HDAC9: variants seen among roughly 807,000 people sequenced by gnomAD.
The protein encoded by HDAC9 is MEF-2 interacting transcription repressor (MITR) protein.
In HDAC9, 41 loss-of-function variants were observed where a neutral mutation model predicts 139.4. The ratio of observed to expected loss-of-function variants is 0.29; its 90% CI spans 0.23 to 0.38. The LOEUF is 0.38. Ranked by LOEUF, HDAC9 falls within the 10% of genes least tolerant of loss-of-function variation. The pLI is 1.00. For missense variants in HDAC9, 1,147 were observed against 1,297.0 expected (o/e 0.88, Z 1.78); for synonymous variants, 517 against 476.2 (o/e 1.09, Z -1.12).
chr7:18,283,512 A>G (rs1306502502), intron 2 of HDAC9, among the ~76,000 whole-genome samples: 2 of 152,216 alleles, frequency 1.3e-5, no homozygotes, highest in African/African-American at 4.8e-5. Context: ...GTTTATGTAA[A>G]GCAGAAAGTT....
At chr7:18,145,037 C>T (rs1786199872) in intron 1 of HDAC9, among the ~76,000 whole-genome samples, 1 of 152,206 alleles carries the variant, frequency 6.6e-6, no homozygotes, top group Admixed American at 6.5e-5. Flanking sequence ...GTTTCACTTG[C>T]TTTGTGTTTC....
At chr7:18,731,744 GC>G (rs1357310857) in intron 13 of HDAC9, among the ~76,000 whole-genome samples, 4 of 152,198 alleles carry the variant, frequency 2.6e-5, no homozygotes, top group African/African-American at 9.6e-5. Flanking sequence ...TCCTGCCTCA[GC>G]CTCCCTAGTA....
In HDAC9 at chr7:18,954,126, A is replaced by G. The variant is rs1313483950; in HGVS notation, c.2938-20A>G. On this transcript the variant is annotated intron_variant, in intron 23 of 25. Transcript: ENST00000686413. ...AAAGTCATAATATTCTGCTCATACT[A>G]TTATCTACTATTCTTGCAGCTGGAG... is the stretch of plus-strand genomic sequence containing the variant. 2.0e-6 allele frequency: 3 copies of G among 1,504,342 alleles called. No homozygotes were observed. The highest frequency in any genetic ancestry group is 1.4e-5 in the African/African-American group (1 of 72,084). 93.2% of individuals were successfully genotyped at this position (1,504,342 alleles called of 1,614,324 possible). A position where few individuals can be genotyped will look rare whatever the true frequency, so the allele number is the denominator to read the frequency against.
intron 21 of HDAC9, 87 bp downstream of exon 21, chr7:18,836,084 G>A (rs867502177): frequency 4.3e-6 from 3 of 697,440 alleles, no homozygotes; most frequent in South Asian, 4.0e-5. Context: ...AAATGTAAAT[G>A]TCTAATTAAG....
chr7:18,434,273 T>G (rs2128766476), intron 1 of HDAC9, among the ~76,000 whole-genome samples: 1 of 152,282 alleles, frequency 6.6e-6, no homozygotes, highest in East Asian at 1.9e-4. Flanking sequence ...TCAAGATGGA[T>G]TAAAGACTTA....
intron 2 of HDAC9, among the ~76,000 whole-genome samples, chr7:18,172,052 C>T (rs1025011044): frequency 5.3e-5 from 8 of 152,166 alleles, no homozygotes; most frequent in Middle Eastern, 3.4e-3. Context: ...TGGTAGAATT[C>T]GGCTGTGAAT....
At chr7:18,380,841 T>C (rs1463555381) in intron 1 of HDAC9, among the ~76,000 whole-genome samples, 1 of 152,178 alleles carries the variant, frequency 6.6e-6, no homozygotes, top group African/African-American at 2.4e-5. Flanking sequence ...TCCAGCACTC[T>C]GGAGCTTAAG....
intron 2 of HDAC9, among the ~76,000 whole-genome samples, chr7:18,207,539 C>CTTTTTTTGTTTTTTTTTTTTTT (rs1791616319): frequency 1.9e-5 from 1 of 53,730 alleles, no homozygotes; most frequent in African/African-American, 7.8e-5. Context: ...CCCAAGGAGT[C>CTTTTTTTGTTTTTTTTTTTTTT]TTTTTTTTTT....
chr7:18,561,502 A>AT (rs1229688495), intron 2 of HDAC9, among the ~76,000 whole-genome samples: 1 of 152,186 alleles, frequency 6.6e-6, no homozygotes, highest in Non-Finnish European at 1.5e-5. Context: ...ATTTTAGTCT[A>AT]TTCACATGGT....
chr7:18,345,900 T>G (rs1280977777), intron 1 of HDAC9, among the ~76,000 whole-genome samples: 3 of 152,014 alleles, frequency 2.0e-5, no homozygotes, highest in Non-Finnish European at 4.4e-5. Context: ...GACTCCTGTT[T>G]CTGTCTGTTT....
chr7:18,655,285 T>C (rs962093443), intron 11 of HDAC9, among the ~76,000 whole-genome samples: 1 of 152,150 alleles, frequency 6.6e-6, no homozygotes, highest in Non-Finnish European at 1.5e-5. Context: ...TTTTGCCCAT[T>C]ACATGGATAG....
At position 18,835,512 on chromosome 7, in the gene HDAC9, C is replaced by T. The variant is rs952124759; in HGVS notation, c.2512C>T (p.Pro838Ser). The change falls in exon 20 of 26, where the codon CCC (proline) becomes TCC (serine). Residue 838 changes from proline to serine, a missense_variant. Pro to Ser is a moderately conservative substitution (Grantham distance 74, BLOSUM62 -1). Coordinates refer to ENST00000686413, the MANE Select transcript of HDAC9 (RefSeq NM_178425.4). ...NGTQQAFYAD[P>S]SILYISLHRY... ...TACCCAGCAGGCCTTTTATGCTGACCCCAGCATCCTGTACATTTCACTCCA... is the reference window on the plus strand; with the variant it reads ...TACCCAGCAGGCCTTTTATGCTGACTCCAGCATCCTGTACATTTCACTCCA... The T allele has an allele frequency of 6.2e-7, 1 of 1,613,158 alleles. No homozygotes were observed. Among genetic ancestry groups the T allele is most frequent in the Non-Finnish European group, 8.5e-7 (1 of 1,179,244 alleles).
At position 18,593,901 on chromosome 7, in the gene HDAC9, T is replaced by A. The variant is rs1307145937; in HGVS notation, c.543-7T>A. 6.2e-7 allele frequency: 1 copy of A among 1,612,364 alleles called. No homozygotes were observed. Among genetic ancestry groups the A allele is most frequent in the East Asian group, 2.2e-5 (1 of 44,866 alleles). Reference sequence around the variant, plus strand: ...AGTAAATAGTGAAACTTCCTTGTCTTTTCTAGGGCTGCCCACCACACATCA... The same window carrying A: ...AGTAAATAGTGAAACTTCCTTGTCTATTCTAGGGCTGCCCACCACACATCA... On this transcript the variant is annotated splice_polypyrimidine_tract_variant and splice_region_variant and intron_variant, in intron 5 of 25. Coordinates refer to ENST00000686413, the MANE Select transcript of HDAC9 (RefSeq NM_178425.4).
chr7:18,312,051 A>G (rs1799353650), intron 1 of HDAC9, among the ~76,000 whole-genome samples: 1 of 152,190 alleles, frequency 6.6e-6, no homozygotes, highest in African/African-American at 2.4e-5. Context: ...GAATGAGGAG[A>G]GGACAAAGTG....
intron 2 of HDAC9, among the ~76,000 whole-genome samples, chr7:18,195,386 C>T (rs1241331215): frequency 6.6e-6 from 1 of 152,004 alleles, no homozygotes; most frequent in African/African-American, 2.4e-5. Context: ...GGGATGGTTC[C>T]CTATAATCAA....
intron 1 of HDAC9, among the ~76,000 whole-genome samples, chr7:18,145,033 C>G (rs1211118429): frequency 6.6e-6 from 1 of 152,248 alleles, no homozygotes; most frequent in South Asian, 2.1e-4. Flanking sequence ...TTAAGTTTCA[C>G]TTGCTTTGTG....
chr7:18,480,739 A>G (rs757749612), intron 1 of HDAC9, among the ~76,000 whole-genome samples: 2 of 152,108 alleles, frequency 1.3e-5, no homozygotes, highest in Non-Finnish European at 2.9e-5. Flanking sequence ...GTATAAAGTG[A>G]TGTTGGTTCT....
intron 2 of HDAC9, among the ~76,000 whole-genome samples, chr7:18,169,294 T>A (rs1788237699): frequency 6.6e-6 from 1 of 152,064 alleles, no homozygotes; most frequent in Non-Finnish European, 1.5e-5. Context: ...CATACTGTAA[T>A]TGCATTTTAA....
intron 1 of HDAC9, among the ~76,000 whole-genome samples, chr7:18,139,465 C>G (rs1195826813): frequency 6.6e-6 from 1 of 152,074 alleles, no homozygotes; most frequent in Non-Finnish European, 1.5e-5. Flanking sequence ...CCTGTGGCAC[C>G]AAGTAATTAT....
Sources: allele counts gnomAD v4.1 joint callset (sites outside exome capture counted in the v4.1 genomes callset), GRCh38; gene constraint gnomAD v4.1.1; transcripts MANE v1.5; gene names NCBI Gene and HGNC (gene_info 2026-07-23, HGNC 2026-07-21).